The following ADCY2 variants were observed in gnomAD, a reference collection of about 807,000 sequenced individuals.
The protein encoded by ADCY2 is adenylate cyclase 2.
Under a neutral mutation model 125.2 loss-of-function variants are expected in ADCY2, and 31 were observed. That is an observed-to-expected ratio of 0.25 (90% confidence interval 0.19 to 0.33). The LOEUF is 0.33. Ranked by LOEUF, ADCY2 falls within the 10% of genes least tolerant of loss-of-function variation. The probability of loss-of-function intolerance (pLI) is 1.00; values close to 1 mark genes in which losing one functional copy is unlikely to be tolerated. For missense variants in ADCY2, 904 were observed against 1,418.2 expected, an observed-to-expected ratio of 0.64 and a Z score of 5.82; for synonymous variants, 512 against 548.4, an observed-to-expected ratio of 0.93 and a Z score of 0.93.
chr5:7,413,369 A>G (rs1739800469), intron 1 of ADCY2, among the ~76,000 whole-genome samples: 1 of 151,658 alleles, frequency 6.6e-6, no homozygotes, highest in Non-Finnish European at 1.5e-5. Context: ...CTCACGGCTC[A>G]CTGCAAGCTC....
chr5:7,763,553 T>C (rs1168594544), intron 16 of ADCY2, among the ~76,000 whole-genome samples: 4 of 152,184 alleles, frequency 2.6e-5, no homozygotes, highest in African/African-American at 7.2e-5. Context: ...AGCAACTGTG[T>C]CTCCATGAAA....
At chr5:7,521,034 C>G (rs1744428585) in intron 3 of ADCY2, 135 bp downstream of exon 3, 2 of 1,060,032 alleles carry the variant, frequency 1.9e-6, no homozygotes, top group Non-Finnish European at 2.7e-6. Context: ...TGAGACTGAC[C>G]CCCTATAACA....
chr5:7,589,751 A>G (rs1736787395), intron 3 of ADCY2, among the ~76,000 whole-genome samples: 1 of 152,120 alleles, frequency 6.6e-6, no homozygotes, highest in Admixed American at 6.6e-5. Flanking sequence ...TCCAGGGCAC[A>G]GAGATGGGCT....
At chr5:7,423,384 C>A (rs903709583) in intron 2 of ADCY2, among the ~76,000 whole-genome samples, 1 of 152,198 alleles carries the variant, frequency 6.6e-6, no homozygotes, top group Non-Finnish European at 1.5e-5. Flanking sequence ...TGAATTGTAG[C>A]TCCCATAGTC....
In ADCY2 at chr5:7,610,843, A is replaced by C. The variant is rs555101643; in HGVS notation, c.571-15324A>C. Among the ~76,000 whole-genome samples the C allele has an allele frequency of 2.6e-5, 4 of 152,288 alleles. No homozygotes were observed. In the South Asian group the frequency reaches 8.3e-4, roughly 32 times the overall value. The stretch of plus-strand genomic sequence containing the variant: ...GGAGTTAAAAAGTGCTTTTCTTGCA[A>C]ATTATGGAATTTGGTTGTCAAATTT... On this transcript the variant is annotated intron_variant, in intron 3 of 24. Transcript: ENST00000338316.
At chr5:7,492,611 C>T (rs948642196) in intron 2 of ADCY2, among the ~76,000 whole-genome samples, 3 of 151,588 alleles carry the variant, frequency 2.0e-5, no homozygotes, top group African/African-American at 7.2e-5. Flanking sequence ...GTGGGAGCAA[C>T]TCTGAGATTC....
intron 4 of ADCY2, among the ~76,000 whole-genome samples, chr5:7,648,499 A>G (rs895335505): frequency 6.6e-6 from 1 of 152,202 alleles, no homozygotes; most frequent in African/African-American, 2.4e-5. Context: ...ACTATTCTTC[A>G]TACTAGTGTT....
In ADCY2 at chr5:7,706,668, T is replaced by C. The variant is rs745750158; in HGVS notation, c.1110-76T>C. 7 of 1,531,648 alleles carry C rather than the reference T, an allele frequency of 4.6e-6. No individual in the cohort carries two copies. In the Admixed American group the frequency reaches 1.2e-4, roughly 27 times the overall value. 94.9% of individuals were successfully genotyped at this position (1,531,648 alleles called of 1,614,324 possible). On this transcript the variant is annotated intron_variant, in intron 7 of 24. Transcript: ENST00000338316. Reference sequence around the variant, plus strand: ...GTTTGAAAAATTCTGAATAATAAAATACTGGGAAAATTGGCCAAGAGTTAA... The same window carrying C: ...GTTTGAAAAATTCTGAATAATAAAACACTGGGAAAATTGGCCAAGAGTTAA...
intron 4 of ADCY2, among the ~76,000 whole-genome samples, chr5:7,656,344 G>A (rs1739326357): frequency 6.6e-6 from 1 of 152,192 alleles, no homozygotes; most frequent in African/African-American, 2.4e-5. Flanking sequence ...GTGAGCCACG[G>A]CACCCGGCCA....
At chr5:7,626,805 TC>T (rs1738145344) in intron 4 of ADCY2, among the ~76,000 whole-genome samples, 1 of 151,974 alleles carries the variant, frequency 6.6e-6, no homozygotes. Flanking sequence ...CACAAACACC[TC>T]CCACCAGGCC....
chr5:7,661,310 C>A (rs1276439836), intron 4 of ADCY2, among the ~76,000 whole-genome samples: 1 of 152,092 alleles, frequency 6.6e-6, no homozygotes, highest in Admixed American at 6.6e-5. Context: ...TTTTTAATAG[C>A]TCAAAAATAC....
At chr5:7,545,657 G>A (rs1214695717) in intron 3 of ADCY2, among the ~76,000 whole-genome samples, 1 of 152,192 alleles carries the variant, frequency 6.6e-6, no homozygotes, top group Non-Finnish European at 1.5e-5. Flanking sequence ...TGTGCTTGGA[G>A]AAGCTGGCCT....
intron 2 of ADCY2, among the ~76,000 whole-genome samples, chr5:7,520,208 G>A (rs1744392323): frequency 6.6e-6 from 1 of 152,152 alleles, no homozygotes; most frequent in Non-Finnish European, 1.5e-5. Flanking sequence ...TCGAGGAATT[G>A]CCACTCTGAG....
intron 2 of ADCY2, among the ~76,000 whole-genome samples, chr5:7,495,101 T>C (rs976132567): frequency 1.3e-5 from 2 of 152,214 alleles, no homozygotes; most frequent in Admixed American, 6.5e-5. Context: ...GGCAAACCCA[T>C]ATTTAATATC....
intron 12 of ADCY2, among the ~76,000 whole-genome samples, chr5:7,720,163 C>T (rs996709316): frequency 2.6e-5 from 4 of 152,128 alleles, no homozygotes; most frequent in African/African-American, 9.7e-5. Flanking sequence ...TTCCCTCTCC[C>T]TTCTCTCCTC....
chr5:7,727,255 T>A lies in ADCY2; in HGVS notation c.1865T>A (p.Leu622Gln). 6.2e-7 allele frequency: 1 copy of A among 1,613,802 alleles called. No individual in the cohort carries two copies. ...FCIFIVQILV[L>Q]PKTSVLGISF... The stretch of plus-strand genomic sequence containing the variant: ...ATCTTCATTGTGCAGATTCTCGTGC[T>A]GCCAAAGTAAGTACTTCTGGTTTCC... The change falls in exon 14 of 25, where the codon CTG becomes CAG. Residue 622 changes from leucine (L) to glutamine (Q), a missense_variant. Physicochemically the swap from Leu to Gln is moderately radical, Grantham distance 113 (BLOSUM62 -2). Around this residue, in one of 7 missense-constraint regions of ADCY2, gnomAD observed 221 missense variants for 246.2 expected, o/e 0.90. Coordinates refer to ENST00000338316, the MANE Select transcript of ADCY2 (RefSeq NM_020546.3).
intron 16 of ADCY2, among the ~76,000 whole-genome samples, chr5:7,761,341 G>A (rs549653684): frequency 2.0e-5 from 3 of 151,750 alleles, no homozygotes; most frequent in Non-Finnish European, 2.9e-5. Context: ...GTAGAGATGC[G>A]GTTTCACCAT....
At chr5:7,713,652 G>A (rs192305513) in intron 11 of ADCY2, among the ~76,000 whole-genome samples, 8 of 152,140 alleles carry the variant, frequency 5.3e-5, no homozygotes, top group South Asian at 4.2e-4. Context: ...ACGCCCTGTC[G>A]CAGCCACCGT....
chr5:7,790,128 A>G (rs1039470553), intron 20 of ADCY2, among the ~76,000 whole-genome samples: 1 of 152,218 alleles, frequency 6.6e-6, no homozygotes, highest in East Asian at 1.9e-4. Context: ...CAAAGAAGCC[A>G]CTGCTCTCTC....
Sources: allele counts gnomAD v4.1 joint callset (sites outside exome capture counted in the v4.1 genomes callset), GRCh38; gene constraint gnomAD v4.1.1; regional missense constraint gnomAD v4.1.1; transcripts MANE v1.5; gene names NCBI Gene and HGNC (gene_info 2026-07-23, HGNC 2026-07-21).